LARS2: variants seen among roughly 807,000 people sequenced by gnomAD.
LARS2 encodes leucine--tRNA ligase, mitochondrial.
In LARS2, 81 loss-of-function variants were observed where a neutral mutation model predicts 116.6. The observed-to-expected ratio is 0.69, with a 90% CI of 0.58 to 0.84. The LOEUF (loss-of-function observed/expected upper bound fraction) is 0.84, where lower values mean the gene tolerates loss of function less well. LARS2 is among the 40% of genes least tolerant of loss of function. The pLI is 0.00. For synonymous variants in LARS2, 396 were observed against 407.2 expected, an observed-to-expected ratio of 0.97 and a Z score of 0.33; for missense variants, 968 against 1,114.5, an observed-to-expected ratio of 0.87 and a Z score of 1.87.
Position 45,517,959 on chromosome 3 carries a change from C to G in LARS2, c.2101C>G (p.Arg701Gly), listed in dbSNP as rs771007598. Residue 701 changes from arginine to glycine, a missense_variant, in exon 18 of 22, where the codon CGG becomes GGG. Coordinates refer to ENST00000645846, the MANE Select transcript of LARS2 (RefSeq NM_015340.4). ...ACAACGACTGTGGACCTTGACAACT[C>G]GGTTTATTGAGGCCAGGGCTTCTGG... ...WQQRLWTLTT[R>G]FIEARASGKS... 3.1e-6 allele frequency: 5 copies of G among 1,613,912 alleles called. No homozygotes were observed. In the Admixed American group the frequency reaches 5.0e-5, roughly 16 times the overall value.
chr3:45,521,249 G>A (rs1014229896), intron 19 of LARS2, among the ~76,000 whole-genome samples: 1 of 152,132 alleles, frequency 6.6e-6, no homozygotes, highest in Non-Finnish European at 1.5e-5. Context: ...AGCATGCAGT[G>A]AGCCAAGATC....
chr3:45,535,367 AGAAAAG>A (rs746549378), intron 20 of LARS2, among the ~76,000 whole-genome samples: 6 of 138,618 alleles, frequency 4.3e-5, no homozygotes, highest in East Asian at 2.1e-4. Flanking sequence ...AAAAAAAAAA[AGAAAAG>A]AAAAGAAAAG....
intron 12 of LARS2, among the ~76,000 whole-genome samples, chr3:45,491,229 G>C (rs77373076): frequency 4.6e-5 from 7 of 152,162 alleles, no homozygotes; most frequent in Non-Finnish European, 1.0e-4. Flanking sequence ...CTCTGCAAAA[G>C]TTTTAATTTC....
At chr3:45,490,107 C>T (rs187756587) in intron 12 of LARS2, among the ~76,000 whole-genome samples, 4 of 152,336 alleles carry the variant, frequency 2.6e-5, no homozygotes, top group Non-Finnish European at 5.9e-5. Flanking sequence ...TGTGGCTTTA[C>T]TTCATAAACT....
At position 45,512,029 on chromosome 3, in the gene LARS2, C is replaced by A. The variant is rs533959321; in HGVS notation, c.1761-1106C>A. 2.6e-5 allele frequency among the ~76,000 whole-genome samples: 4 copies of A among 152,228 alleles called. No homozygotes were observed. The South Asian group carries it at 8.3e-4, about 32-fold the overall frequency. On this transcript the variant is annotated intron_variant, in intron 15 of 21. Transcript: ENST00000645846. ...AGCTCAGGCAATCCACCTGCCTCGG[C>A]CTCCCAAAGCGCTAGGATTACAAGC...
chr3:45,483,046 G>C (rs922835308), intron 10 of LARS2, among the ~76,000 whole-genome samples: 11 of 152,222 alleles, frequency 7.2e-5, no homozygotes, highest in African/African-American at 2.7e-4. Flanking sequence ...TGCAAGGGAG[G>C]CTGAACAGTG....
chr3:45,388,997 G>A (rs548080414), intron 1 of LARS2: 1 of 152,288 alleles, frequency 6.6e-6, no homozygotes, highest in East Asian at 1.9e-4. Context: ...TTTGGACCCA[G>A]TTGAAGGTCA....
At chr3:45,498,359 C>G (rs1011709969) in intron 14 of LARS2, among the ~76,000 whole-genome samples, 1 of 152,224 alleles carries the variant, frequency 6.6e-6, no homozygotes, top group African/African-American at 2.4e-5. Context: ...TTCAACATTT[C>G]ACTCCTTAAT....
At chr3:45,494,729 G>T (rs1575291736) in intron 13 of LARS2, among the ~76,000 whole-genome samples, 1 of 152,244 alleles carries the variant, frequency 6.6e-6, no homozygotes, top group East Asian at 1.9e-4. Flanking sequence ...TTGGCACCTG[G>T]TTCCTTCAGT....
In LARS2 at chr3:45,458,899, C is replaced by G; in HGVS notation, c.750+13C>G. ...CGCTTATGCAAAGGTGAGTGTCAGC[C>G]TGGAGGCTCCCCACTAATGCCTTAC... On this transcript the variant is annotated intron_variant, in intron 8 of 21. Coordinates refer to ENST00000645846, the MANE Select transcript of LARS2 (RefSeq NM_015340.4). The G allele has an allele frequency of 1.2e-6, 2 of 1,613,496 alleles. No individual in the cohort carries two copies. The highest frequency in any genetic ancestry group is 1.7e-6 in the Non-Finnish European group (2 of 1,179,550).
At chr3:45,468,540 C>G (rs1227272410) in intron 8 of LARS2, among the ~76,000 whole-genome samples, 1 of 152,218 alleles carries the variant, frequency 6.6e-6, no homozygotes, top group Non-Finnish European at 1.5e-5. Context: ...GAATCAGAAG[C>G]AATCTCATCA....
chr3:45,422,695 A>G (rs990266937), intron 6 of LARS2, among the ~76,000 whole-genome samples: 1 of 152,180 alleles, frequency 6.6e-6, no homozygotes, highest in Non-Finnish European at 1.5e-5. Context: ...AACTATTTTT[A>G]ATTACAATTG....
At chr3:45,477,849 T>C (rs1331357190) in intron 10 of LARS2, among the ~76,000 whole-genome samples, 1 of 152,216 alleles carries the variant, frequency 6.6e-6, no homozygotes, top group Non-Finnish European at 1.5e-5. Context: ...TAATACTAGG[T>C]TGGAGAGATA....
intron 4 of LARS2, among the ~76,000 whole-genome samples, chr3:45,413,642 C>G (rs1387023291): frequency 6.6e-6 from 1 of 152,194 alleles, no homozygotes; most frequent in Non-Finnish European, 1.5e-5. Flanking sequence ...AAGAGCAGCT[C>G]TATTTTAGAG....
intron 9 of LARS2, among the ~76,000 whole-genome samples, chr3:45,474,948 G>A (rs893419005): frequency 2.6e-5 from 4 of 152,208 alleles, no homozygotes; most frequent in African/African-American, 9.7e-5. Context: ...TGAAACTGCT[G>A]TGGAAACAGT....
chr3:45,430,003 C>CTTTT (rs66989698), intron 6 of LARS2, among the ~76,000 whole-genome samples: 15,053 of 56,918 alleles, frequency 0.26, 6,171 homozygotes, highest in Middle Eastern at 0.47. Flanking sequence ...TGCCCAGCCT[C>CTTTT]TTTTTTTTTT....
chr3:45,461,032 T>G (rs1181392916), intron 8 of LARS2, among the ~76,000 whole-genome samples: 1 of 151,906 alleles, frequency 6.6e-6, no homozygotes, highest in Non-Finnish European at 1.5e-5. Flanking sequence ...AATTATGGCC[T>G]AAAATCAAGG....
intron 15 of LARS2, among the ~76,000 whole-genome samples, chr3:45,506,136 C>T (rs1412951867): frequency 3.3e-5 from 5 of 151,932 alleles, no homozygotes; most frequent in Admixed American, 2.6e-4. Flanking sequence ...TTCAAGATTC[C>T]GTTCCATGCT....
chr3:45,444,171 A>ATTTTT (rs71095037), intron 6 of LARS2, among the ~76,000 whole-genome samples: 1 of 132,064 alleles, frequency 7.6e-6, no homozygotes. Flanking sequence ...TTCCTGGCTA[A>ATTTTT]TTTTTTTTTT....
Sources: allele counts gnomAD v4.1 joint callset (sites outside exome capture counted in the v4.1 genomes callset), GRCh38; gene constraint gnomAD v4.1.1; transcripts MANE v1.5; gene names NCBI Gene and HGNC (gene_info 2026-07-23, HGNC 2026-07-21).